MYH6: variants seen among roughly 807,000 people sequenced by gnomAD.
The protein encoded by MYH6 is myosin-6.
In MYH6, 126 loss-of-function variants were observed where a neutral mutation model predicts 223.2. That is an observed-to-expected ratio of 0.56 (90% CI 0.49 to 0.65). The LOEUF (loss-of-function observed/expected upper bound fraction) is 0.65. Among genes scored for constraint, MYH6 ranks in the 30% least tolerant of loss-of-function variants. The pLI is 0.00. For synonymous variants in MYH6, 978 were observed against 1,010.2 expected (o/e 0.97, Z 0.61); for missense variants, 2,040 against 2,536.4 (o/e 0.80, Z 4.20).
Position 23,398,959 on chromosome 14 carries a change from A to T in MYH6, c.1660T>A (p.Tyr554Asn). The T allele has an allele frequency of 1.2e-6, 2 of 1,614,108 alleles. No homozygotes were observed. Among genetic ancestry groups the T allele is most frequent in the Non-Finnish European group, 1.7e-6 (2 of 1,180,018 alleles). Residue 554 changes from tyrosine (Y) to asparagine (N), a missense_variant, in exon 15 of 39, where the codon TAC becomes AAC. Tyr to Asn is a moderately radical substitution (Grantham distance 143). Transcript: ENST00000405093. The stretch of plus-strand genomic sequence containing the variant: ...TTGGACTTGCCCAGGTGGTTGTCGT[A>T]CAGCTTGGCCTTGAAGGTCATGTCA... ...ATDMTFKAKL[Y>N]DNHLGKSNNF...
chr14:23,382,105 G>T (rs538911102), intron 38 of MYH6, 42 bp from the exon 39 acceptor site: 1 of 1,572,002 alleles, frequency 6.4e-7, no homozygotes, highest in Admixed American at 1.7e-5. Context: ...GCTGGCAAGA[G>T]GGAGAAGTGT....
chr14:23,386,269 C>T (rs396024), intron 33 of MYH6, 46 bp downstream of exon 33: 1 of 1,613,738 alleles, frequency 6.2e-7, no homozygotes. Context: ...CTTCTCCAGG[C>T]CACATGGAGG....
In MYH6 at chr14:23,383,327, G is replaced by C; in HGVS notation, c.5566-7C>G. On this transcript the variant is annotated splice_polypyrimidine_tract_variant and splice_region_variant and intron_variant, in intron 36 of 38. Transcript: ENST00000405093. ...TCTTTTTGTCTTCCTCTGTCTGGGG[G>C]TGGGAGGGTGGGAGAAGCTGGTTTG... is the stretch of plus-strand genomic sequence containing the variant. 1 of 973,920 alleles carries C rather than the reference G, an allele frequency of 1.0e-6. No homozygotes were observed. Among genetic ancestry groups the C allele is most frequent in the Non-Finnish European group, 1.5e-6 (1 of 650,802 alleles). 60.3% of individuals were successfully genotyped at this position (973,920 alleles called of 1,614,324 possible).
chr14:23,402,749 C>T lies in MYH6; in HGVS notation c.950G>A (p.Gly317Glu), dbSNP rs1308312943. ...NPYDYAFVSQ[G>E]EVSVASIDDS... Reference sequence around the variant, plus strand: ...ATCAATGGAGGCCACGGACACCTCTCCCTGAGACACGAAGGCGTAGTCGTA... The same window carrying T: ...ATCAATGGAGGCCACGGACACCTCTTCCTGAGACACGAAGGCGTAGTCGTA... Residue 317 changes from glycine (G) to glutamate (E), a missense_variant, in exon 11 of 39, where the codon GGA becomes GAA. Coordinates refer to ENST00000405093, the MANE Select transcript of MYH6 (RefSeq NM_002471.4). The T allele has an allele frequency of 1.9e-6, 3 of 1,613,636 alleles. No individual in the cohort carries two copies. Among genetic ancestry groups the T allele is most frequent in the Admixed American group, 1.7e-5 (1 of 59,980 alleles).
At chr14:23,389,150 C>T in intron 28 of MYH6, 95 bp from the exon 29 acceptor site, 1 of 1,417,480 alleles carries the variant, frequency 7.1e-7, no homozygotes, top group East Asian at 2.4e-5. Flanking sequence ...CAAGCCCAGC[C>T]TTATTCACCA....
In MYH6 at chr14:23,388,243, T is replaced by C; in HGVS notation, c.4271A>G (p.Gln1424Arg). ...CACCATCAAGTCCTCTATCTCATTC[T>C]GTAGCCGGTGCTTGGTCTTCTCCAG... ...SSLEKTKHRL[Q>R]NEIEDLMVDV... Residue 1424 changes from glutamine (Q) to arginine (R), a missense_variant, in exon 30 of 39, where the codon CAG becomes CGG. Gln to Arg is a conservative substitution (Grantham distance 43). Transcript: ENST00000405093. 6.2e-7 allele frequency: 1 copy of C among 1,612,826 alleles called. No individual in the cohort carries two copies. Among genetic ancestry groups the C allele is most frequent in the Non-Finnish European group, 8.5e-7 (1 of 1,180,044 alleles).
chr14:23,396,863 G>T (rs1447533759), intron 18 of MYH6, 46 bp from the exon 19 acceptor site: 1 of 1,613,186 alleles, frequency 6.2e-7, no homozygotes, highest in African/African-American at 1.3e-5. Flanking sequence ...GCAGTGATCT[G>T]CTCTGCCCAC....
intron 32 of MYH6, among the ~76,000 whole-genome samples, chr14:23,386,862 G>A (rs1891043865): frequency 6.6e-6 from 1 of 152,130 alleles, no homozygotes; most frequent in South Asian, 2.1e-4. Context: ...AGACCCTCCA[G>A]CACTAACACT....
chr14:23,389,697 C>A lies in MYH6; in HGVS notation c.3755G>T (p.Arg1252Leu). The A allele has an allele frequency of 1.2e-6, 2 of 1,614,122 alleles. No individual in the cohort carries two copies. The highest frequency in any genetic ancestry group is 1.7e-6 in the Non-Finnish European group (2 of 1,180,024). The change falls in exon 27 of 39, where the codon CGG becomes CTG. Residue 1252 changes from arginine to leucine, a missense_variant. Physicochemically the swap from Arg to Leu is moderately radical, Grantham distance 102. Transcript: ENST00000405093. Reference protein sequence around the residue: ...KAKANLEKVSRTLEDQANEYR... With the variant: ...KAKANLEKVSLTLEDQANEYR... ...CTCATTGGCCTGGTCCTCCAGCGTC[C>A]GAGACACTTTCTCCAGGTTTGCCTT...
At chr14:23,403,487 A>G (rs1891676927) in intron 9 of MYH6, 41 bp from the exon 10 acceptor site, 1 of 1,561,534 alleles carries the variant, frequency 6.4e-7, no homozygotes, top group South Asian at 1.1e-5. Context: ...GAGGAAGGAA[A>G]GAGAGTAGAG....
chr14:23,396,488 G>T (rs771278805), intron 19 of MYH6, 68 bp from the exon 20 acceptor site: 1 of 1,596,992 alleles, frequency 6.3e-7, no homozygotes, highest in Non-Finnish European at 8.5e-7. Flanking sequence ...GAAGACCCTG[G>T]ATGAGCTCCC....
rs753148926 is a variant in MYH6 at position 23,407,765 on chromosome 14, G to C, written c.-46-157C>G. The C allele has an allele frequency of 1.9e-4, 63 of 324,344 alleles. No individual in the cohort carries two copies. In the Middle Eastern group the frequency reaches 5.6e-3, roughly 29 times the overall value. The allele number at this position is 324,344 out of a possible 1,614,324, so 20.1% of individuals were successfully genotyped here. On this transcript the variant is annotated intron_variant, in intron 1 of 38. Coordinates refer to ENST00000405093, the MANE Select transcript of MYH6 (RefSeq NM_002471.4). The surrounding 1 kb of genome is among the most constrained non-coding windows in gnomAD (Gnocchi z 5.6). ...CAGACCAGGGAGTCAGAAAGGGAAA[G>C]ACGCAGAGGCAGAAAAGAAAGGGCA...
chr14:23,405,848 C>G lies in MYH6; in HGVS notation c.202-78G>C. 2 of 1,588,460 alleles carry G rather than the reference C, an allele frequency of 1.3e-6. No homozygotes were observed. On this transcript the variant is annotated intron_variant, in intron 3 of 38. Coordinates refer to ENST00000405093, the MANE Select transcript of MYH6 (RefSeq NM_002471.4). This position sits in a 1 kb window ranked among gnomAD's most constrained non-coding sequence, Gnocchi z 4.7. ...CTTGCCAGCACTGCCCACTGACCTC[C>G]TCCCAGGACACAGGGACTTGGCCTT...
chr14:23,396,747 GCTTCT>G lies in MYH6; in HGVS notation c.2234_2238del (p.Glu745AlafsTer8). 1 of 1,614,016 alleles carries G rather than the reference GCTTCT, an allele frequency of 6.2e-7. No homozygotes were observed. The highest frequency in any genetic ancestry group is 8.5e-7 in the Non-Finnish European group (1 of 1,179,878). ...TGATCAATGTCCAGAGAGCTGAGCA[GCTTCT>G]CTGTCCCCTTCCTGCTATCAATGAA... On this transcript the variant is annotated frameshift_variant, in exon 19 of 39. Transcript: ENST00000405093. LOFTEE classifies it high-confidence loss of function.
Position 23,399,041 on chromosome 14 carries a change from A to C in MYH6, c.1582-4T>G. 3 of 1,614,018 alleles carry C rather than the reference A, an allele frequency of 1.9e-6. No individual in the cohort carries two copies. Among genetic ancestry groups the C allele is most frequent in the Non-Finnish European group, 2.5e-6 (3 of 1,179,956 alleles). Reference sequence around the variant, plus strand: ...GGATGGACATGATGCCCATGGGCTGAGGGCAGGGTGAAGAGGCAAAGAGAG... The same window carrying C: ...GGATGGACATGATGCCCATGGGCTGCGGGCAGGGTGAAGAGGCAAAGAGAG... On this transcript the variant is annotated splice_polypyrimidine_tract_variant and splice_region_variant and intron_variant, in intron 14 of 38. Coordinates refer to ENST00000405093, the MANE Select transcript of MYH6 (RefSeq NM_002471.4).
Position 23,403,378 on chromosome 14 carries a change from T to G in MYH6, c.868A>C (p.Ile290Leu). The G allele has an allele frequency of 6.2e-7, 1 of 1,613,974 alleles. No individual in the cohort carries two copies. Among genetic ancestry groups the G allele is most frequent in the Non-Finnish European group, 8.5e-7 (1 of 1,179,980 alleles). Residue 290 changes from isoleucine (I) to leucine (L), a missense_variant, in exon 10 of 39, where the codon ATT becomes CTT. Ile to Leu is a conservative substitution (Grantham distance 5, BLOSUM62 2). This residue lies in a region of MYH6 where 649 missense variants were observed against 877.3 expected (regional missense o/e 0.74). Transcript: ENST00000405093. ...AERNYHIFYQ[I>L]LSNKKPELLD... ...AACTCCGGCTTCTTGTTGGACAGAA[T>G]CTGGTAGAAGATGTGGTAGTTTCTC... is the stretch of plus-strand genomic sequence containing the variant.
chr14:23,402,645 C>T, intron 11 of MYH6, 43 bp from the exon 12 acceptor site: 2 of 1,613,688 alleles, frequency 1.2e-6, no homozygotes, highest in East Asian at 4.5e-5. Context: ...GGAGCGGTGG[C>T]CCCAGGAGCT....
Position 23,386,380 on chromosome 14 carries a change from T to G in MYH6, c.4894A>C (p.Ser1632Arg). The change falls in exon 33 of 39, where the codon AGC becomes CGC. Residue 1632 changes from serine (S) to arginine (R), a missense_variant. By Grantham distance (110) the Ser-to-Arg change is moderately radical. Coordinates refer to ENST00000405093, the MANE Select transcript of MYH6 (RefSeq NM_002471.4). ...GDLNEMEIQL[S>R]HANRMAAEAQ... Reference sequence around the variant, plus strand: ...TCGGCAGCCATGCGGTTGGCGTGGCTGAGCTGGATCTCCATCTCATTGAGG... The same window carrying G: ...TCGGCAGCCATGCGGTTGGCGTGGCGGAGCTGGATCTCCATCTCATTGAGG... 1 of 1,614,152 alleles carries G rather than the reference T, an allele frequency of 6.2e-7. No individual in the cohort carries two copies. Among genetic ancestry groups the G allele is most frequent in the African/African-American group, 1.3e-5 (1 of 75,060 alleles).
intron 15 of MYH6, among the ~76,000 whole-genome samples, 194 bp from the exon 16 acceptor site, chr14:23,397,807 G>A (rs1891443230): frequency 6.6e-6 from 1 of 152,164 alleles, no homozygotes. Context: ...CACGCCTGTA[G>A]GGCAGCTCAC....
Sources: allele counts gnomAD v4.1 joint callset (sites outside exome capture counted in the v4.1 genomes callset), GRCh38; gene constraint gnomAD v4.1.1; regional missense constraint gnomAD v4.1.1; non-coding constraint Gnocchi (gnomAD v3.1); transcripts MANE v1.5; gene names NCBI Gene and HGNC (gene_info 2026-07-23, HGNC 2026-07-21).